ERICH1: variants seen among roughly 807,000 people sequenced by gnomAD.
ERICH1 encodes glutamate rich 1, also known as glutamate-rich protein 1.
ERICH1 carries 56 observed loss-of-function variants against 39.6 expected under a neutral mutation model. That is an observed-to-expected ratio of 1.41 (90% CI 1.14 to 1.77). The LOEUF (loss-of-function observed/expected upper bound fraction) is 1.77. Among genes scored for constraint, ERICH1 ranks in the 40% most tolerant of loss-of-function variants. The pLI is 0.00. For synonymous variants in ERICH1, 313 were observed against 223.6 expected (o/e 1.40, Z -3.57); for missense variants, 826 against 575.4 (o/e 1.44, Z -4.45).
chr8:642,802 G>A (rs766427614), intron 3 of ERICH1, among the ~76,000 whole-genome samples: 13 of 152,008 alleles, frequency 8.6e-5, no homozygotes, highest in Non-Finnish European at 1.8e-4. Flanking sequence ...GATGTGTGCC[G>A]CACACCCAGG....
At chr8:672,408 T>C (rs1038922741) in intron 4 of ERICH1, among the ~76,000 whole-genome samples, 2 of 152,340 alleles carry the variant, frequency 1.3e-5, no homozygotes, top group African/African-American at 4.8e-5. Flanking sequence ...AAATGGTACT[T>C]CTGCATCTTT....
chr8:727,527 G>T (rs10093748), intron 1 of ERICH1, among the ~76,000 whole-genome samples: 28,622 of 152,222 alleles, frequency 0.19, 3,360 homozygotes, highest in Non-Finnish European at 0.26. Context: ...GCCTGCTGCA[G>T]ACCCCTTGGC....
chr8:668,651 T>G lies in ERICH1; in HGVS notation c.1205A>C (p.Glu402Ala). The G allele has an allele frequency of 1.9e-6, 3 of 1,614,190 alleles. No individual in the cohort carries two copies. The highest frequency in any genetic ancestry group is 1.7e-6 in the Non-Finnish European group (2 of 1,180,040). ...MKTLLLLQDT[E>A]RLKHALEMFP... is the part of the protein sequence containing the mutation. ...CATTTCCAGAGCATGCTTCAATCTC[T>G]CAGTATCTTGCAGGAGCAGCAGCGT... Residue 402 changes from glutamate to alanine, a missense_variant, in exon 5 of 6, where the codon GAG becomes GCG. Physicochemically the swap from Glu to Ala is moderately radical, Grantham distance 107. Transcript: ENST00000262109.
intron 1 of ERICH1, among the ~76,000 whole-genome samples, chr8:721,919 A>T (rs1817418206): frequency 6.6e-6 from 1 of 152,238 alleles, no homozygotes; most frequent in Non-Finnish European, 1.5e-5. Context: ...AGAGGTTAAA[A>T]GCCTCTTTTC....
At chr8:625,930 T>G (rs1797576230) in intron 3 of ERICH1, 1 of 152,256 alleles carries the variant, frequency 6.6e-6, no homozygotes, top group Non-Finnish European at 1.5e-5. Flanking sequence ...CCAGATTTCT[T>G]CATGCCGTAA....
intron 3 of ERICH1, among the ~76,000 whole-genome samples, chr8:636,728 G>A (rs78330013): frequency 6.6e-6 from 1 of 152,254 alleles, no homozygotes; most frequent in African/African-American, 2.4e-5. Flanking sequence ...GGGGAGGAAC[G>A]GTGCAGACCT....
At position 699,722 on chromosome 8, in the gene ERICH1, C is replaced by G. The variant is rs899677735; in HGVS notation, c.170-7110G>C. On this transcript the variant is annotated intron_variant, in intron 2 of 5. Transcript: ENST00000262109. The stretch of plus-strand genomic sequence containing the variant: ...AGGCGCACAGACCCGCACACGTGCA[C>G]AGACTCACAGGCGCACAGACACGCA... Among the ~76,000 whole-genome samples, 37 of 147,258 alleles carry G rather than the reference C, an allele frequency of 2.5e-4. 1 individual carries two copies. Among genetic ancestry groups the G allele is most frequent in the African/African-American group, 9.3e-4 (35 of 37,508 alleles).
chr8:700,217 A>ACCCGCACACGCGCACAGGCCCGCACAGG (rs1452172108), intron 2 of ERICH1, among the ~76,000 whole-genome samples: 1 of 81,850 alleles, frequency 1.2e-5, no homozygotes, highest in Non-Finnish European at 2.5e-5. Flanking sequence ...AGGCGCACAC[A>ACCCGCACACGCGCACAGGCCCGCACAGG]CCCGCACACG....
intron 1 of ERICH1, among the ~76,000 whole-genome samples, chr8:723,181 C>T (rs1031828457): frequency 1.3e-5 from 2 of 152,230 alleles, no homozygotes; most frequent in Non-Finnish European, 1.5e-5. Context: ...TCCCCTCTGC[C>T]TTCCCCAAGA....
At chr8:721,859 A>G (rs1363032263) in intron 1 of ERICH1, among the ~76,000 whole-genome samples, 1 of 152,214 alleles carries the variant, frequency 6.6e-6, no homozygotes, top group Non-Finnish European at 1.5e-5. Flanking sequence ...TTTTTACCTA[A>G]GTGTGTGTAC....
At chr8:673,266 G>A (rs1338618033) in intron 4 of ERICH1, 23 bp downstream of exon 4, 9 of 1,575,662 alleles carry the variant, frequency 5.7e-6, no homozygotes, top group Middle Eastern at 1.7e-4. Context: ...CACTATGCAA[G>A]AGAAAAACAG....
intron 4 of ERICH1, among the ~76,000 whole-genome samples, chr8:672,651 G>A (rs1803698509): frequency 6.6e-6 from 1 of 152,212 alleles, no homozygotes; most frequent in Non-Finnish European, 1.5e-5. Context: ...GAGTATCTCT[G>A]TTCTGGGGCA....
At chr8:650,099 T>C (rs531607741) in intron 3 of ERICH1, among the ~76,000 whole-genome samples, 4 of 152,326 alleles carry the variant, frequency 2.6e-5, no homozygotes, top group South Asian at 2.1e-4. Flanking sequence ...GGCCGGAAGG[T>C]TGCGGTCTCA....
chr8:655,094 C>G (rs1800456756), intron 3 of ERICH1, among the ~76,000 whole-genome samples: 1 of 152,238 alleles, frequency 6.6e-6, no homozygotes, highest in African/African-American at 2.4e-5. Flanking sequence ...CCCGAGTGGT[C>G]TCTGCCGAGC....
At chr8:707,449 C>T (rs1208582014) in intron 2 of ERICH1, among the ~76,000 whole-genome samples, 2 of 152,118 alleles carry the variant, frequency 1.3e-5, no homozygotes, top group Non-Finnish European at 2.9e-5. Flanking sequence ...CTCAAGTGAT[C>T]CATCCACCTC....
At chr8:706,777 A>C (rs1813379453) in intron 2 of ERICH1, among the ~76,000 whole-genome samples, 1 of 152,164 alleles carries the variant, frequency 6.6e-6, no homozygotes, top group Non-Finnish European at 1.5e-5. Flanking sequence ...TCTCAAAAAC[A>C]ACAACAACAA....
chr8:630,490 C>T (rs56036035), intron 3 of ERICH1, among the ~76,000 whole-genome samples: 1 of 129,506 alleles, frequency 7.7e-6, no homozygotes, highest in African/African-American at 3.1e-5. Flanking sequence ...CACACACCCT[C>T]CTGTGACCAC....
chr8:681,005 T>C (rs1163113783), intron 3 of ERICH1, among the ~76,000 whole-genome samples: 1 of 152,206 alleles, frequency 6.6e-6, no homozygotes, highest in Non-Finnish European at 1.5e-5. Flanking sequence ...AGGGTCATGC[T>C]ACATGCAGAC....
chr8:689,308 G>A (rs1459617066), intron 3 of ERICH1, among the ~76,000 whole-genome samples: 2 of 152,126 alleles, frequency 1.3e-5, no homozygotes, highest in African/African-American at 2.4e-5. Context: ...ACAGGGTTTC[G>A]CCATGTTGGC....
Sources: gnomAD v4.1 joint callset for allele counts (sites outside exome capture counted in the v4.1 genomes callset) on GRCh38, gnomAD v4.1.1 for gene constraint, MANE v1.5 for transcripts, NCBI Gene and HGNC (gene_info 2026-07-23, HGNC 2026-07-21) for gene names.